The following NRG2 variants were observed in gnomAD, a reference collection of about 807,000 sequenced individuals.
NRG2 encodes neuregulin 2.
Under a neutral mutation model 73.9 loss-of-function variants are expected in NRG2, and 27 were observed. The observed-to-expected ratio is 0.37, with a 90% CI of 0.27 to 0.50. The LOEUF (loss-of-function observed/expected upper bound fraction) is 0.50. Among genes scored for constraint, NRG2 ranks in the 20% least tolerant of loss-of-function variants. The probability of loss-of-function intolerance (pLI) is 0.96; values close to 1 mark genes in which losing one functional copy is unlikely to be tolerated. For synonymous variants in NRG2, 532 were observed against 541.0 expected, an observed-to-expected ratio of 0.98 and a Z score of 0.23; for missense variants, 1,126 against 1,210.1, an observed-to-expected ratio of 0.93 and a Z score of 1.03.
In NRG2 at chr5:139,880,878, C is replaced by T. The variant is rs111392314; in HGVS notation, c.969G>A (p.Arg323=). 34 of 1,614,012 alleles carry T rather than the reference C, an allele frequency of 2.1e-5. No homozygotes were observed. The African/African-American group carries it at 4.0e-4, about 19-fold the overall frequency. ...TACCGCTGTTGACGTAAAGCCGGCC[C>T]CGGACGGTGTCCTTCCCCAGGATGT... ...AENILGKDTV[R]GRLYVNSVST... is the part of the protein sequence containing the mutation. The change falls in exon 3 of 10, where the codon CGG becomes CGA. Residue 323 remains arginine (R), a synonymous_variant. Coordinates refer to ENST00000361474, the MANE Select transcript of NRG2 (RefSeq NM_004883.3).
chr5:140,014,507 G>C (rs923757229), intron 1 of NRG2, among the ~76,000 whole-genome samples: 1 of 152,104 alleles, frequency 6.6e-6, no homozygotes, highest in Non-Finnish European at 1.5e-5. Context: ...AAAGTGCCGG[G>C]ATTACAGGCA....
rs1012403734 is a variant in NRG2 at position 139,869,137 on chromosome 5, T to A, written c.1112+2584A>T. On this transcript the variant is annotated intron_variant, in intron 4 of 9. Transcript: ENST00000361474. This position sits in a 1 kb window ranked among gnomAD's most constrained non-coding sequence, Gnocchi z 4.5. ...ACGTTGTCTTTTTTTAAAACAAAAT[T>A]CAGTATCAGTGACACTGTTTCTTTT... Among the ~76,000 whole-genome samples the A allele has an allele frequency of 6.6e-6, 1 of 151,914 alleles. No homozygotes were observed. Among genetic ancestry groups the A allele is most frequent in the Non-Finnish European group, 1.5e-5 (1 of 67,974 alleles).
chr5:139,970,697 A>G (rs969679114), intron 1 of NRG2, among the ~76,000 whole-genome samples: 1 of 152,240 alleles, frequency 6.6e-6, no homozygotes, highest in African/African-American at 2.4e-5. Flanking sequence ...ACCAGAGAGC[A>G]AAGAAGAGAA....
Position 139,848,246 on chromosome 5 carries a change from G to C in NRG2, c.2224C>G (p.Arg742Gly), listed in dbSNP as rs1018332365. ...ASRRTSAGPRRWRRSRLNGLA... is the reference protein window; with the variant it reads ...ASRRTSAGPRGWRRSRLNGLA... The stretch of plus-strand genomic sequence containing the variant: ...CCGTTGAGGCGCGAGCGGCGCCAGC[G>C]CCGGGGCCCCGCCGACGTCCTGCGG... The change falls in exon 10 of 10, where the codon CGC (arginine) becomes GGC (glycine). Residue 742 changes from arginine (R) to glycine (G), a missense_variant. Arg to Gly is a moderately radical substitution (Grantham distance 125). Around this residue, in one of 3 missense-constraint regions of NRG2, gnomAD observed 402 missense variants for 357.8 expected, o/e 1.12. Coordinates refer to ENST00000361474, the MANE Select transcript of NRG2 (RefSeq NM_004883.3). 60 of 1,133,262 alleles carry C rather than the reference G, an allele frequency of 5.3e-5. No individual in the cohort carries two copies. Among genetic ancestry groups the C allele is most frequent in the Non-Finnish European group, 6.4e-5 (59 of 926,808 alleles). The allele number at this position is 1,133,262 out of a possible 1,614,324, so 70.2% of individuals were successfully genotyped here.
chr5:140,028,717 ACAAAT>A, intron 1 of NRG2, among the ~76,000 whole-genome samples: 1 of 152,290 alleles, frequency 6.6e-6, no homozygotes, highest in Admixed American at 6.5e-5. Flanking sequence ...TGTAATGTCC[ACAAAT>A]TCTTTGACCG....
intron 2 of NRG2, 92 bp from the exon 3 acceptor site, chr5:139,881,066 A>C (rs1229648961): frequency 6.9e-5 from 68 of 980,560 alleles, no homozygotes; most frequent in Non-Finnish European, 1.0e-4. Context: ...CTCTCCACAG[A>C]GCCACAGTGG....
At chr5:139,876,130 G>A (rs1238433457) in intron 3 of NRG2, among the ~76,000 whole-genome samples, 1 of 152,170 alleles carries the variant, frequency 6.6e-6, no homozygotes, top group Admixed American at 6.5e-5. Context: ...AAACTTATGA[G>A]TGGATAAATA....
intron 9 of NRG2, 82 bp from the exon 10 acceptor site, chr5:139,848,779 G>GGGC: frequency 3.5e-5 from 7 of 198,602 alleles, no homozygotes; most frequent in Non-Finnish European, 3.0e-5. Flanking sequence ...GGTAGGGTGG[G>GGGC]AGGGGCGGAC....
In NRG2 at chr5:140,034,387, A is replaced by G. The variant is rs1353132357; in HGVS notation, c.700+7983T>C. ...ATGAAAAACTTTTAGCTAAAATCAT[A>G]CTTAATCATGAAAGTCTGAATGTTT... On this transcript the variant is annotated intron_variant, in intron 1 of 9. Coordinates refer to ENST00000361474, the MANE Select transcript of NRG2 (RefSeq NM_004883.3). Among the ~76,000 whole-genome samples, 4 of 152,118 alleles carry G rather than the reference A, an allele frequency of 2.6e-5. No individual in the cohort carries two copies. In the East Asian group the frequency reaches 5.8e-4, roughly 22 times the overall value.
At chr5:139,960,211 T>C (rs1253302016) in intron 1 of NRG2, among the ~76,000 whole-genome samples, 2 of 152,110 alleles carry the variant, frequency 1.3e-5, no homozygotes, top group Non-Finnish European at 2.9e-5. Flanking sequence ...AATATAATAT[T>C]ATGGTTAAAA....
chr5:139,943,662 A>G (rs1205550257), intron 1 of NRG2, among the ~76,000 whole-genome samples: 1 of 152,236 alleles, frequency 6.6e-6, no homozygotes, highest in Non-Finnish European at 1.5e-5. Flanking sequence ...AAAATAATCT[A>G]CAGTACATTG....
In NRG2 at chr5:139,887,084, T is replaced by C. The variant is rs1763915858; in HGVS notation, c.872+256A>G. On this transcript the variant is annotated intron_variant, in intron 2 of 9. Coordinates refer to ENST00000361474, the MANE Select transcript of NRG2 (RefSeq NM_004883.3). The surrounding 1 kb of genome is among the most constrained non-coding windows in gnomAD (Gnocchi z 4.5). ...AGCTGACTGTGACAGTCAAATTGCC[T>C]TCAACTATCCAGAGAAGTTAAAGGC... is the stretch of plus-strand genomic sequence containing the variant. Among the ~76,000 whole-genome samples the C allele has an allele frequency of 1.3e-5, 2 of 152,220 alleles. No homozygotes were observed. The highest frequency in any genetic ancestry group is 2.4e-5 in the African/African-American group (1 of 41,458).
intron 1 of NRG2, among the ~76,000 whole-genome samples, chr5:139,902,691 T>A (rs1321144336): frequency 6.6e-6 from 1 of 151,716 alleles, no homozygotes; most frequent in African/African-American, 2.4e-5. Context: ...ATGCCCAAGG[T>A]AGGATGTGTA....
chr5:139,968,318 C>T (rs537740018), intron 1 of NRG2, among the ~76,000 whole-genome samples: 90 of 152,288 alleles, frequency 5.9e-4, no homozygotes, highest in African/African-American at 2.1e-3. Flanking sequence ...GTGGTGGGCC[C>T]GGAGCTGAGA....
intron 3 of NRG2, among the ~76,000 whole-genome samples, chr5:139,876,604 G>A (rs981000379): frequency 1.3e-5 from 2 of 152,066 alleles, no homozygotes; most frequent in African/African-American, 4.8e-5. Context: ...ACAGTGGCGG[G>A]GTGGGAGCCG....
intron 5 of NRG2, among the ~76,000 whole-genome samples, chr5:139,860,194 G>C (rs1424734226): frequency 2.0e-5 from 3 of 152,158 alleles, no homozygotes; most frequent in Admixed American, 6.5e-5. Context: ...GTTAGTACCT[G>C]GTGGCGAGGC....
At position 139,897,434 on chromosome 5, in the gene NRG2, C is replaced by T. The variant is rs148569335; in HGVS notation, c.701-9923G>A. On this transcript the variant is annotated intron_variant, in intron 1 of 9. Transcript: ENST00000361474. ...AGATGCCACCACCTTCACTAATCCA[C>T]CCAGCTAGAAGCAGTCTCTGCCTCA... 3.8e-3 allele frequency among the ~76,000 whole-genome samples: 584 copies of T among 152,308 alleles called. 5 individuals carry two copies. Among genetic ancestry groups the T allele is most frequent in the Admixed American group, 0.01 (158 of 15,300 alleles).
Position 139,954,161 on chromosome 5 carries a change from TCGTGG to T in NRG2, c.701-66655_701-66651del, listed in dbSNP as rs1580808808. ...TTCTCTCCCCTTGCCTCCTGCACGA[TCGTGG>T]CAAGACAACTGCTTCTCATTAGCAA... On this transcript the variant is annotated intron_variant, in intron 1 of 9. Transcript: ENST00000361474. The surrounding 1 kb of genome is among the most constrained non-coding windows in gnomAD (Gnocchi z 5.0). Among the ~76,000 whole-genome samples, 2 of 152,034 alleles carry T rather than the reference TCGTGG, an allele frequency of 1.3e-5. No homozygotes were observed. Among genetic ancestry groups the T allele is most frequent in the African/African-American group, 4.8e-5 (2 of 41,402 alleles).
Position 140,042,551 on chromosome 5 carries a change from C to A in NRG2, c.519G>T (p.Gly173=), listed in dbSNP as rs1395040829. The A allele has an allele frequency of 5.0e-6, 8 of 1,611,832 alleles. No homozygotes were observed. The highest frequency in any genetic ancestry group is 6.8e-6 in the Non-Finnish European group (8 of 1,178,880). ...CGCTGATCACCTGCTCGCGCTGCAG[C>A]CCCCCGCTCCGGAGCGGCCACTTGT... ...VLDKWPLRSG[G]LQREQVISVG... The change falls in exon 1 of 10, where the codon GGG becomes GGT. Residue 173 remains glycine (G), a synonymous_variant. Coordinates refer to ENST00000361474, the MANE Select transcript of NRG2 (RefSeq NM_004883.3).
Sources: allele counts gnomAD v4.1 joint callset (sites outside exome capture counted in the v4.1 genomes callset), GRCh38; gene constraint gnomAD v4.1.1; regional missense constraint gnomAD v4.1.1; non-coding constraint Gnocchi (gnomAD v3.1); transcripts MANE v1.5; gene names NCBI Gene and HGNC (gene_info 2026-07-23, HGNC 2026-07-21).